The following LPCAT1 variants were observed in gnomAD, a reference collection of about 807,000 sequenced individuals.
LPCAT1 encodes 1-acylglycerol-3-phosphate O-acyltransferase.
In LPCAT1, 23 loss-of-function variants were observed where a neutral mutation model predicts 60.9. The ratio of observed to expected loss-of-function variants is 0.38; its 90% confidence interval spans 0.27 to 0.53. The LOEUF (loss-of-function observed/expected upper bound fraction) is 0.53, where lower values mean the gene tolerates loss of function less well. Ranked by LOEUF, LPCAT1 falls within the 20% of genes least tolerant of loss-of-function variation. The pLI is 0.82. For synonymous variants in LPCAT1, 340 were observed against 301.1 expected, an observed-to-expected ratio of 1.13 and a Z score of -1.34; for missense variants, 622 against 723.6, an observed-to-expected ratio of 0.86 and a Z score of 1.61.
rs1192190011 is a variant in LPCAT1, at chr5:1,481,027, TGCACCAA to T, written c.727-58_727-52del. On this transcript the variant is annotated intron_variant, in intron 6 of 13. Transcript: ENST00000283415. The surrounding 1 kb of genome is among the most constrained non-coding windows in gnomAD (Gnocchi z 7.8). ...CAGCATGGGGCCTGCACCCAGGGCC[TGCACCAA>T]GCACCTGCGTGTGCCGGCCTCTCCC... The T allele has an allele frequency of 1.9e-6, 2 of 1,057,090 alleles. No homozygotes were observed. The highest frequency in any genetic ancestry group is 3.1e-5 in the South Asian group (2 of 65,028). The allele number at this position is 1,057,090 out of a possible 1,614,324, so 65.5% of individuals were successfully genotyped here. A position where few individuals can be genotyped will look rare whatever the true frequency, so the allele number is the denominator to read the frequency against.
Position 1,495,131 on chromosome 5 carries a change from A to G in LPCAT1, c.279-217T>C, listed in dbSNP as rs1735739490. ...CTCGCTGGCTGCGCTCTCACCTACG[A>G]AGGAGGCCGCGGGGCCCTGTGTGGT... On this transcript the variant is annotated intron_variant, in intron 2 of 13. Transcript: ENST00000283415. This position sits in a 1 kb window ranked among gnomAD's most constrained non-coding sequence, Gnocchi z 4.7. 6.6e-6 allele frequency among the ~76,000 whole-genome samples: 1 copy of G among 152,090 alleles called. No homozygotes were observed. Among genetic ancestry groups the G allele is most frequent in the African/African-American group, 2.4e-5 (1 of 41,400 alleles).
intron 7 of LPCAT1, 58 bp from the exon 8 acceptor site, chr5:1,479,733 T>C: frequency 3.0e-6 from 4 of 1,331,598 alleles, no homozygotes; most frequent in Non-Finnish European, 1.1e-6. Context: ...ACAAGTAAAT[T>C]ACTCCCAATT....
chr5:1,472,794 G>A (rs1734736983), intron 11 of LPCAT1, among the ~76,000 whole-genome samples: 1 of 152,096 alleles, frequency 6.6e-6, no homozygotes, highest in Non-Finnish European at 1.5e-5. Context: ...GCCCGCGGCT[G>A]GGGGCCCCTT....
At chr5:1,510,617 C>G (rs1366976293) in intron 1 of LPCAT1, 1 of 152,300 alleles carries the variant, frequency 6.6e-6, no homozygotes, top group Non-Finnish European at 1.5e-5. Flanking sequence ...ATGTCTAAAC[C>G]ACGACACCCT....
intron 1 of LPCAT1, among the ~76,000 whole-genome samples, chr5:1,509,244 G>A (rs1003515477): frequency 5.9e-5 from 9 of 152,274 alleles, no homozygotes; most frequent in East Asian, 5.8e-4. Context: ...CAAGCTCTAC[G>A]GTTAGCGCGG....
rs1735233622 is a variant in LPCAT1 at position 1,483,306 on chromosome 5, T to C, written c.726+122A>G. 1 of 1,093,994 alleles carries C rather than the reference T, an allele frequency of 9.1e-7. No homozygotes were observed. Among genetic ancestry groups the C allele is most frequent in the South Asian group, 1.3e-5 (1 of 78,960 alleles). The allele number at this position is 1,093,994 out of a possible 1,614,324, so 67.8% of individuals were successfully genotyped here. ...GCCGGATGGACTCAGCATGGCCAAG[T>C]GTGGGCTGTGGCGCAGATAAAGGGT... On this transcript the variant is annotated intron_variant, in intron 6 of 13. Coordinates refer to ENST00000283415, the MANE Select transcript of LPCAT1 (RefSeq NM_024830.5). This position sits in a 1 kb window ranked among gnomAD's most constrained non-coding sequence, Gnocchi z 9.2.
chr5:1,475,960 T>C (rs1487734751), intron 9 of LPCAT1, among the ~76,000 whole-genome samples: 3 of 152,166 alleles, frequency 2.0e-5, no homozygotes, highest in Non-Finnish European at 4.4e-5. Flanking sequence ...TTGCTGACGG[T>C]GGCAGACCCT....
intron 1 of LPCAT1, among the ~76,000 whole-genome samples, chr5:1,514,596 G>A (rs1302873944): frequency 2.6e-5 from 4 of 152,282 alleles, no homozygotes; most frequent in Middle Eastern, 3.4e-3. Flanking sequence ...TTTTAATTCC[G>A]AGGTTGGGAA....
chr5:1,490,431 C>CAAAGCAGATGCTCAAGCTAAAATCCCA (rs1735533802), intron 3 of LPCAT1, among the ~76,000 whole-genome samples: 1 of 152,046 alleles, frequency 6.6e-6, no homozygotes, highest in African/African-American at 2.4e-5. Context: ...GAAGAGGAGA[C>CAAAGCAGATGCTCAAGCTAAAATCCCA]GAAGAGGGGG....
At chr5:1,517,669 T>G (rs1736544655) in intron 1 of LPCAT1, among the ~76,000 whole-genome samples, 1 of 142,848 alleles carries the variant, frequency 7.0e-6, no homozygotes, top group African/African-American at 2.7e-5. Flanking sequence ...AATAGATAAT[T>G]CAACTGCAAA....
chr5:1,508,001 G>A (rs1263968255), intron 1 of LPCAT1, among the ~76,000 whole-genome samples: 3 of 152,236 alleles, frequency 2.0e-5, no homozygotes, highest in African/African-American at 4.8e-5. Flanking sequence ...GCCCGAGGGA[G>A]CTCGTTCACC....
chr5:1,507,192 C>G (rs1242216986), intron 1 of LPCAT1, among the ~76,000 whole-genome samples: 1 of 152,160 alleles, frequency 6.6e-6, no homozygotes, highest in African/African-American at 2.4e-5. Context: ...CTGGGGAGGA[C>G]ACTGTGGACG....
At chr5:1,519,452 A>C (rs1736605295) in intron 1 of LPCAT1, among the ~76,000 whole-genome samples, 1 of 152,256 alleles carries the variant, frequency 6.6e-6, no homozygotes. Flanking sequence ...TGCAAAGTTA[A>C]CCACAACTAA....
Position 1,463,424 on chromosome 5 carries a change from G to T in LPCAT1, c.*227C>A. 1.8e-6 allele frequency: 1 copy of T among 552,850 alleles called. No homozygotes were observed. Among genetic ancestry groups the T allele is most frequent in the South Asian group, 2.7e-5 (1 of 37,224 alleles). The allele number at this position is 552,850 out of a possible 1,614,324, so 34.2% of individuals were successfully genotyped here. ...TGACCCCACGGGGTCCAGGCCAGGC[G>T]GGGGATCCGCGTGCGCGCCCTCCGA... is the stretch of plus-strand genomic sequence containing the variant. On this transcript the variant is annotated 3_prime_UTR_variant, in exon 14 of 14. Coordinates refer to ENST00000283415, the MANE Select transcript of LPCAT1 (RefSeq NM_024830.5).
intron 7 of LPCAT1, among the ~76,000 whole-genome samples, chr5:1,479,961 CCCACACCTGTCCCT>C (rs965476510): frequency 2.0e-5 from 3 of 151,916 alleles, no homozygotes; most frequent in East Asian, 3.9e-4. Flanking sequence ...CCTCGTACAG[CCCACACCTGTCCCT>C]CCACACCTGT....
rs1395476633 is a variant in LPCAT1, at chr5:1,476,671, T to C, written c.899+733A>G. 6.6e-6 allele frequency among the ~76,000 whole-genome samples: 1 copy of C among 151,890 alleles called. No homozygotes were observed. Among genetic ancestry groups the C allele is most frequent in the Non-Finnish European group, 1.5e-5 (1 of 67,958 alleles). On this transcript the variant is annotated intron_variant, in intron 9 of 13. Coordinates refer to ENST00000283415, the MANE Select transcript of LPCAT1 (RefSeq NM_024830.5). This position sits in a 1 kb window ranked among gnomAD's most constrained non-coding sequence, Gnocchi z 8.6. The stretch of plus-strand genomic sequence containing the variant: ...GGTGGAGGGGAGGCTCTAGCTCCAC[T>C]GGACAGAGCTTTGCAGGAGGAAGCA...
chr5:1,483,114 A>T lies in LPCAT1; in HGVS notation c.726+314T>A, dbSNP rs967550180. ...CTCTCCAAAATGTCAGGTTTGGCAC[A>T]CAGAGGAAAGGGCAGCTTTGTCAGG... is the stretch of plus-strand genomic sequence containing the variant. On this transcript the variant is annotated intron_variant, in intron 6 of 13. Coordinates refer to ENST00000283415, the MANE Select transcript of LPCAT1 (RefSeq NM_024830.5). The surrounding 1 kb of genome is among the most constrained non-coding windows in gnomAD (Gnocchi z 9.2). 1.3e-5 allele frequency among the ~76,000 whole-genome samples: 2 copies of T among 152,168 alleles called. No homozygotes were observed. The highest frequency in any genetic ancestry group is 4.8e-5 in the African/African-American group (2 of 41,456).
intron 10 of LPCAT1, 103 bp downstream of exon 10, chr5:1,474,457 A>G: frequency 7.4e-7 from 1 of 1,357,282 alleles, no homozygotes; most frequent in Non-Finnish European, 1.0e-6. Context: ...ATAATTAATA[A>G]TTATCTCCTC....
Position 1,464,624 on chromosome 5 carries a change from A to C in LPCAT1, c.1421-789T>G, listed in dbSNP as rs577084641. 1.8e-4 allele frequency among the ~76,000 whole-genome samples: 27 copies of C among 151,906 alleles called. No homozygotes were observed. In the South Asian group the frequency reaches 5.6e-3, roughly 32 times the overall value. ...GCACACACACAAAACAAGCACACAC[A>C]CGGTAACCACACATGCGTGCACACA... On this transcript the variant is annotated intron_variant, in intron 13 of 13. Coordinates refer to ENST00000283415, the MANE Select transcript of LPCAT1 (RefSeq NM_024830.5).
Sources: allele counts gnomAD v4.1 joint callset (sites outside exome capture counted in the v4.1 genomes callset), GRCh38; gene constraint gnomAD v4.1.1; non-coding constraint Gnocchi (gnomAD v3.1); transcripts MANE v1.5; gene names NCBI Gene and HGNC (gene_info 2026-07-23, HGNC 2026-07-21).